The following NRG1 variants were observed in gnomAD, a reference collection of about 807,000 sequenced individuals.
NRG1 encodes the protein pro-neuregulin-1, membrane-bound isoform.
Under a neutral mutation model 63.8 loss-of-function variants are expected in NRG1, and 18 were observed. That is an observed-to-expected ratio of 0.28 (90% CI 0.19 to 0.42). The LOEUF is 0.42. Among genes scored for constraint, NRG1 ranks in the 10% least tolerant of loss-of-function variants. The pLI, the probability that NRG1 is intolerant of heterozygous loss-of-function variation, is 1.00. For synonymous variants in NRG1, 302 were observed against 301.3 expected (o/e 1.00, Z -0.02); for missense variants, 762 against 814.7 (o/e 0.94, Z 0.79).
chr8:32,547,824 T>C (rs887794362), upstream of NRG1, among the ~76,000 whole-genome samples: 13 of 152,048 alleles, frequency 8.5e-5, no homozygotes, highest in African/African-American at 3.1e-4. Flanking sequence ...GCCACCAACG[T>C]TCCCCCCGCA....
intron 7 of NRG1, among the ~76,000 whole-genome samples, chr8:32,747,233 C>T (rs1228598250): frequency 1.3e-5 from 2 of 152,050 alleles, no homozygotes; most frequent in Admixed American, 6.6e-5. Context: ...TTCATGTAGG[C>T]ATGGAGTCCT....
chr8:32,361,696 A>G (rs1003610740), intron 1 of NRG1, among the ~76,000 whole-genome samples: 3 of 152,140 alleles, frequency 2.0e-5, no homozygotes, highest in Non-Finnish European at 4.4e-5. Flanking sequence ...ACCTTGAGAC[A>G]GCTGCTGCAT....
chr8:32,621,023 A>AT (rs1848247727), intron 5 of NRG1, among the ~76,000 whole-genome samples: 1 of 152,020 alleles, frequency 6.6e-6, no homozygotes, highest in South Asian at 2.1e-4. Flanking sequence ...TTTTTAAGGG[A>AT]TTTTTTCATT....
chr8:32,763,310 C>A (rs769959912), intron 11 of NRG1: 1 of 1,614,002 alleles, frequency 6.2e-7, no homozygotes, highest in South Asian at 1.1e-5. Context: ...AGATCTTCTT[C>A]CATTCCCCAT....
chr8:32,167,848 A>G (rs1003288866), intron 1 of NRG1, among the ~76,000 whole-genome samples: 5 of 152,240 alleles, frequency 3.3e-5, no homozygotes, highest in African/African-American at 9.6e-5. Flanking sequence ...AATGATAAGC[A>G]TGGATCATTG....
chr8:32,544,578 C>T (rs1832887662), upstream of NRG1, among the ~76,000 whole-genome samples: 1 of 151,040 alleles, frequency 6.6e-6, no homozygotes, highest in African/African-American at 2.4e-5. Flanking sequence ...TTATGGCTTA[C>T]TGCAGCCTCA....
At chr8:31,728,285 G>A (rs1379537542) in intron 1 of NRG1, among the ~76,000 whole-genome samples, 1 of 152,096 alleles carries the variant, frequency 6.6e-6, no homozygotes, top group Non-Finnish European at 1.5e-5. Context: ...CCAACATGGT[G>A]AAACCCCGTC....
chr8:31,999,724 C>T (rs964716525), intron 1 of NRG1, among the ~76,000 whole-genome samples: 1 of 151,868 alleles, frequency 6.6e-6, no homozygotes, highest in African/African-American at 2.4e-5. Flanking sequence ...ACAGGATAGT[C>T]TCTCTCCTCT....
At chr8:32,277,799 G>A (rs1290556843) in intron 1 of NRG1, among the ~76,000 whole-genome samples, 1 of 152,206 alleles carries the variant, frequency 6.6e-6, no homozygotes, top group Non-Finnish European at 1.5e-5. Flanking sequence ...ATTCCAAAAT[G>A]TCAGTAGTGC....
intron 1 of NRG1, among the ~76,000 whole-genome samples, chr8:32,141,733 A>G (rs891344366): frequency 2.0e-5 from 3 of 151,328 alleles, no homozygotes; most frequent in Non-Finnish European, 4.4e-5. Context: ...CTGGCTAAAG[A>G]TCAGCATACA....
At chr8:32,284,948 C>A (rs1194599505) in intron 1 of NRG1, among the ~76,000 whole-genome samples, 1 of 152,184 alleles carries the variant, frequency 6.6e-6, no homozygotes, top group African/African-American at 2.4e-5. Flanking sequence ...GTAAAGAATG[C>A]ACTTGGTTTT....
intron 1 of NRG1, among the ~76,000 whole-genome samples, chr8:32,334,303 C>A (rs973220944): frequency 6.6e-6 from 1 of 152,150 alleles, no homozygotes; most frequent in Non-Finnish European, 1.5e-5. Context: ...GTCTACTTAT[C>A]TCTAATATTA....
downstream of NRG1, among the ~76,000 whole-genome samples, chr8:32,769,217 A>G (rs952370309): frequency 2.0e-5 from 3 of 152,192 alleles, no homozygotes; most frequent in African/African-American, 7.2e-5. Context: ...TGAACACTAT[A>G]AGCAGCTATT....
chr8:32,005,732 G>A (rs368057487), intron 1 of NRG1, among the ~76,000 whole-genome samples: 3 of 151,800 alleles, frequency 2.0e-5, no homozygotes, highest in African/African-American at 7.3e-5. Flanking sequence ...AACGTTCAGC[G>A]AGGTGAGTGT....
At chr8:32,351,395 T>A (rs1457352825) in intron 1 of NRG1, among the ~76,000 whole-genome samples, 2 of 152,208 alleles carry the variant, frequency 1.3e-5, no homozygotes, top group African/African-American at 4.8e-5. Flanking sequence ...GAGGATGATA[T>A]GTTTTCTTAA....
intron 1 of NRG1, among the ~76,000 whole-genome samples, chr8:32,347,110 T>A (rs910456463): frequency 6.6e-6 from 1 of 152,190 alleles, no homozygotes; most frequent in African/African-American, 2.4e-5. Flanking sequence ...ATTACGGGCA[T>A]GAGCCACCGT....
chr8:32,248,714 T>C (rs1049947512), intron 1 of NRG1, among the ~76,000 whole-genome samples: 1 of 152,078 alleles, frequency 6.6e-6, no homozygotes, highest in Non-Finnish European at 1.5e-5. Flanking sequence ...TATTTTCTAT[T>C]GTATTAAACA....
chr8:32,668,174 C>T (rs1804714176), intron 5 of NRG1, among the ~76,000 whole-genome samples: 1 of 151,262 alleles, frequency 6.6e-6, no homozygotes, highest in Admixed American at 6.6e-5. Context: ...GATCTCATGA[C>T]TGCACTCCAG....
At chr8:31,889,290 T>G (rs1000335434) in intron 1 of NRG1, among the ~76,000 whole-genome samples, 15 of 152,204 alleles carry the variant, frequency 9.9e-5, no homozygotes, top group African/African-American at 3.4e-4. Context: ...TTTTCTAAGA[T>G]TATTTCGTAG....
Sources: allele counts gnomAD v4.1 joint callset (sites outside exome capture counted in the v4.1 genomes callset), GRCh38; gene constraint gnomAD v4.1.1; transcripts MANE v1.5; gene names NCBI Gene and HGNC (gene_info 2026-07-23, HGNC 2026-07-21).